Variants in SYT1 observed in about 807,000 individuals in gnomAD.
The protein encoded by SYT1 is synaptotagmin 1.
SYT1 carries 8 observed loss-of-function variants against 44.8 expected under a neutral mutation model. The ratio of observed to expected loss-of-function variants is 0.18; its 90% CI spans 0.10 to 0.32. SYT1 has a LOEUF of 0.32. Ranked by LOEUF, SYT1 falls within the 10% of genes least tolerant of loss-of-function variation. The probability of loss-of-function intolerance (pLI) is 1.00; values close to 1 mark genes in which losing one functional copy is unlikely to be tolerated. For missense variants in SYT1, 286 were observed against 509.3 expected, an observed-to-expected ratio of 0.56 and a Z score of 4.22; for synonymous variants, 154 against 188.8, an observed-to-expected ratio of 0.82 and a Z score of 1.51.
chr12:79,097,189 G>C (rs1441836041), intron 3 of SYT1, among the ~76,000 whole-genome samples: 2 of 151,890 alleles, frequency 1.3e-5, no homozygotes, highest in Non-Finnish European at 2.9e-5. Flanking sequence ...ACTAAAAGTA[G>C]AAGAGGTAGA....
intron 3 of SYT1, among the ~76,000 whole-genome samples, chr12:79,059,208 T>G (rs2137832946): frequency 6.6e-6 from 1 of 152,092 alleles, no homozygotes; most frequent in South Asian, 2.1e-4. Context: ...GACGCCCCCA[T>G]AATTCAATGA....
chr12:79,064,931 A>AGAAAGAAG (rs1875671662), intron 3 of SYT1, among the ~76,000 whole-genome samples: 1 of 40,548 alleles, frequency 2.5e-5, no homozygotes, highest in African/African-American at 1.1e-4. Context: ...ATAGAGAGAA[A>AGAAAGAAG]GAAAGAAAGA....
intron 1 of SYT1, among the ~76,000 whole-genome samples, chr12:78,952,238 T>C (rs1012463975): frequency 2.6e-5 from 4 of 152,270 alleles, no homozygotes; most frequent in South Asian, 2.1e-4. Flanking sequence ...TTTGTAAGCC[T>C]GTCTGCTTTT....
intron 3 of SYT1, among the ~76,000 whole-genome samples, chr12:79,093,292 A>C (rs1482015500): frequency 6.6e-6 from 1 of 151,776 alleles, no homozygotes; most frequent in Non-Finnish European, 1.5e-5. Flanking sequence ...TTCGATCAAA[A>C]ATAAGATCAC....
At chr12:79,429,262 A>G (rs1311489324) in intron 9 of SYT1, among the ~76,000 whole-genome samples, 1 of 152,076 alleles carries the variant, frequency 6.6e-6, no homozygotes, top group Non-Finnish European at 1.5e-5. Flanking sequence ...GCTGGAGTGC[A>G]GTGGTGTGAT....
intron 3 of SYT1, among the ~76,000 whole-genome samples, chr12:79,181,994 C>T (rs983062721): frequency 5.9e-5 from 9 of 152,034 alleles, no homozygotes; most frequent in African/African-American, 2.2e-4. Flanking sequence ...ATCTTTCTCA[C>T]TTCTGGTAAC....
chr12:78,898,928 A>C (rs1195545139), intron 1 of SYT1, among the ~76,000 whole-genome samples: 1 of 152,130 alleles, frequency 6.6e-6, no homozygotes, highest in Non-Finnish European at 1.5e-5. Flanking sequence ...CCAACAATTG[A>C]TTGCAAATCC....
intron 1 of SYT1, among the ~76,000 whole-genome samples, chr12:78,929,937 A>G (rs940184284): frequency 3.3e-5 from 5 of 152,174 alleles, no homozygotes; most frequent in Non-Finnish European, 7.3e-5. Flanking sequence ...ACAAAATTCA[A>G]TAAAGAAAGC....
At chr12:79,391,728 G>T (rs972641878) in intron 9 of SYT1, among the ~76,000 whole-genome samples, 16 of 152,112 alleles carry the variant, frequency 1.1e-4, no homozygotes, top group African/African-American at 3.9e-4. Flanking sequence ...AATTACAAAT[G>T]ATTACACCAC....
chr12:79,261,842 C>CT (rs1877846757), intron 4 of SYT1, among the ~76,000 whole-genome samples: 1 of 152,138 alleles, frequency 6.6e-6, no homozygotes, highest in Admixed American at 6.6e-5. Context: ...ACACAATTCT[C>CT]TGAGTCCAAA....
Position 78,920,247 on chromosome 12 carries a change from A to G in SYT1, c.-217+55138A>G, listed in dbSNP as rs554727545. 1.2e-3 allele frequency among the ~76,000 whole-genome samples: 181 copies of G among 152,166 alleles called. 1 individual carries two copies. The highest frequency in any genetic ancestry group is 4.6e-3 in the South Asian group (22 of 4,834). On this transcript the variant is annotated intron_variant, in intron 1 of 10. Transcript: ENST00000261205. ...GTGATGACTTCTTACCAGAGAAATA[A>G]TAACATTTGATAGGATATGCTTTTT...
chr12:79,226,168 AAATCATACAT>A (rs11277023), intron 4 of SYT1, among the ~76,000 whole-genome samples: 107,139 of 151,492 alleles, frequency 0.71, 38,371 homozygotes, highest in African/African-American at 0.78. Context: ...GCATCTTACT[AAATCATACAT>A]TTTAAATTTC....
At chr12:79,180,990 C>T (rs1305097485) in intron 3 of SYT1, among the ~76,000 whole-genome samples, 1 of 152,014 alleles carries the variant, frequency 6.6e-6, no homozygotes, top group African/African-American at 2.4e-5. Flanking sequence ...AGGTGATTTT[C>T]CCCTCTTCAC....
intron 9 of SYT1, among the ~76,000 whole-genome samples, chr12:79,439,315 G>T (rs1870269711): frequency 6.6e-6 from 1 of 152,190 alleles, no homozygotes; most frequent in South Asian, 2.1e-4. Context: ...TGTACAGGAT[G>T]TTGAATCAGT....
chr12:78,879,967 A>G (rs766005673), intron 1 of SYT1, among the ~76,000 whole-genome samples: 4 of 151,696 alleles, frequency 2.6e-5, no homozygotes, highest in Non-Finnish European at 5.9e-5. Flanking sequence ...TCAGATCTCA[A>G]TATAGGTATC....
At chr12:79,259,139 A>G (rs558201089) in intron 4 of SYT1, among the ~76,000 whole-genome samples, 4 of 152,334 alleles carry the variant, frequency 2.6e-5, no homozygotes, top group South Asian at 2.1e-4. Flanking sequence ...AGTTTCACCA[A>G]TTTGAACCTG....
At chr12:79,341,022 C>A (rs1454451472) in intron 8 of SYT1, among the ~76,000 whole-genome samples, 1 of 152,254 alleles carries the variant, frequency 6.6e-6, no homozygotes, top group South Asian at 2.1e-4. Flanking sequence ...TTCATGCCAG[C>A]ATTGAAAAAG....
intron 9 of SYT1, among the ~76,000 whole-genome samples, chr12:79,382,969 T>C (rs1445011110): frequency 1.3e-5 from 2 of 152,242 alleles, no homozygotes; most frequent in Non-Finnish European, 2.9e-5. Flanking sequence ...TTGTTTGCCA[T>C]GTCTTCTATG....
intron 8 of SYT1, among the ~76,000 whole-genome samples, chr12:79,300,610 A>T (rs1394578124): frequency 6.6e-6 from 1 of 151,824 alleles, no homozygotes; most frequent in Non-Finnish European, 1.5e-5. Flanking sequence ...ATTAATTCCC[A>T]TGCTGAAATT....
Sources: gnomAD v4.1 joint callset for allele counts (sites outside exome capture counted in the v4.1 genomes callset) on GRCh38, gnomAD v4.1.1 for gene constraint, MANE v1.5 for transcripts, NCBI Gene and HGNC (gene_info 2026-07-23, HGNC 2026-07-21) for gene names.